Variants in B4GALNT3 observed in about 807,000 individuals in gnomAD.
B4GALNT3 encodes the protein beta-1,4-N-acetyl-galactosaminyltransferase 3.
B4GALNT3 carries 86 observed loss-of-function variants against 120.2 expected under a neutral mutation model. The ratio of observed to expected loss-of-function variants is 0.72; its 90% CI spans 0.60 to 0.86. The LOEUF is 0.86. Among genes scored for constraint, B4GALNT3 ranks in the 40% least tolerant of loss-of-function variants. The pLI, the probability that B4GALNT3 is intolerant of heterozygous loss-of-function variation, is 0.00. For synonymous variants in B4GALNT3, 518 were observed against 510.4 expected (o/e 1.01, Z -0.20); for missense variants, 1,167 against 1,298.9 (o/e 0.90, Z 1.56).
At chr12:497,941 C>T (rs1946403438) in intron 1 of B4GALNT3, among the ~76,000 whole-genome samples, 1 of 152,160 alleles carries the variant, frequency 6.6e-6, no homozygotes. Context: ...AAAGTCTCCT[C>T]CTGGGTATGA....
chr12:514,046 G>A (rs1946624934), intron 1 of B4GALNT3, among the ~76,000 whole-genome samples: 1 of 152,166 alleles, frequency 6.6e-6, no homozygotes, highest in Non-Finnish European at 1.5e-5. Flanking sequence ...TGTATACCTG[G>A]GAATAGAACT....
chr12:544,886 G>A lies in B4GALNT3; in HGVS notation c.452G>A (p.Arg151His), dbSNP rs201901859. Residue 151 changes from arginine (R) to histidine (H), a missense_variant, in exon 5 of 20, where the codon CGC becomes CAC. Physicochemically the swap from Arg to His is conservative, Grantham distance 29. Coordinates refer to ENST00000266383, the MANE Select transcript of B4GALNT3 (RefSeq NM_173593.4). ...CCTTCCCCTTTCTTGGCATAGATTC[G>A]CACAACCCTGAGGAAGCTTGCTGTG... ...NLHFPLYPHI[R>H]TTLRKLAVSP... 13 of 1,613,628 alleles carry A rather than the reference G, an allele frequency of 8.1e-6. No individual in the cohort carries two copies. Among genetic ancestry groups the A allele is most frequent in the South Asian group, 2.2e-5 (2 of 91,066 alleles).
Position 553,361 on chromosome 12 carries a change from G to C in B4GALNT3, c.1438G>C (p.Ala480Pro), listed in dbSNP as rs775824448. ...YRLRSLRKLL[A>P]QPREGLLAPF... ...CCTCCGAAGCCTGCGGAAACTCCTG[G>C]CTCAGCCCCGGGAGGGCCTGCTGGC... is the stretch of plus-strand genomic sequence containing the variant. Residue 480 changes from alanine to proline, a missense_variant, in exon 14 of 20, where the codon GCT (alanine) becomes CCT (proline). Ala to Pro is a conservative substitution (Grantham distance 27). Around this residue, in one of 3 missense-constraint regions of B4GALNT3, gnomAD observed 983 missense variants for 1,102.5 expected, o/e 0.89. Coordinates refer to ENST00000266383, the MANE Select transcript of B4GALNT3 (RefSeq NM_173593.4). 15 of 1,613,782 alleles carry C rather than the reference G, an allele frequency of 9.3e-6. No individual in the cohort carries two copies. The highest frequency in any genetic ancestry group is 1.6e-4 in the Middle Eastern group (1 of 6,062).
At chr12:501,530 A>G (rs181162517) in intron 1 of B4GALNT3, among the ~76,000 whole-genome samples, 25 of 152,208 alleles carry the variant, frequency 1.6e-4, no homozygotes, top group Admixed American at 7.2e-4. Flanking sequence ...GCAGTGAACT[A>G]TGTTTGCACC....
intron 1 of B4GALNT3, among the ~76,000 whole-genome samples, chr12:511,802 TCTTCCACCTTCTTCCAC>T (rs2120581552): frequency 3.1e-5 from 1 of 32,024 alleles, no homozygotes; most frequent in Non-Finnish European, 5.3e-5. Flanking sequence ...CCTTCCACCT[TCTTCCACCTTCTTCCAC>T]CTTCCACCTT....
chr12:512,991 TCCTTCCACCTTCCA>T (rs993481009), intron 1 of B4GALNT3, among the ~76,000 whole-genome samples: 1 of 122,932 alleles, frequency 8.1e-6, no homozygotes, highest in South Asian at 3.1e-4. Flanking sequence ...CCTTCGATCT[TCCTTCCACCTTCCA>T]CCTTCCGCCT....
At chr12:476,532 G>A (rs1010200001) in intron 1 of B4GALNT3, among the ~76,000 whole-genome samples, 20 of 152,170 alleles carry the variant, frequency 1.3e-4, no homozygotes, top group Non-Finnish European at 2.9e-5. Context: ...GATCGCTTGA[G>A]CATAGGAGTT....
At chr12:556,265 C>A (rs539972811) in intron 14 of B4GALNT3, among the ~76,000 whole-genome samples, 1 of 152,204 alleles carries the variant, frequency 6.6e-6, no homozygotes, top group South Asian at 2.1e-4. Flanking sequence ...TCTCAGGGAA[C>A]CTCTTCAGTG....
At chr12:523,426 G>A (rs1305433186) in intron 1 of B4GALNT3, among the ~76,000 whole-genome samples, 1 of 152,168 alleles carries the variant, frequency 6.6e-6, no homozygotes, top group Non-Finnish European at 1.5e-5. Context: ...TATACAGCGA[G>A]AATCTAATAA....
At chr12:505,350 C>T (rs1049211978) in intron 1 of B4GALNT3, among the ~76,000 whole-genome samples, 3 of 152,214 alleles carry the variant, frequency 2.0e-5, no homozygotes, top group African/African-American at 7.2e-5. Flanking sequence ...AGGCCAACCT[C>T]GCCCAGAGAA....
At chr12:547,967 C>T (rs181878287) in intron 7 of B4GALNT3, 57 bp from the exon 8 acceptor site, 7 of 1,482,466 alleles carry the variant, frequency 4.7e-6, no homozygotes, top group African/African-American at 1.4e-5. Flanking sequence ...GGGACAGAGC[C>T]GCGACCCCAG....
In B4GALNT3 at chr12:553,738, A is replaced by G. The variant is rs1396701642; in HGVS notation, c.1815A>G (p.Gly605=). Residue 605 remains glycine (G), a synonymous_variant, in exon 14 of 20, where the codon GGA becomes GGG. Coordinates refer to ENST00000266383, the MANE Select transcript of B4GALNT3 (RefSeq NM_173593.4). ...AAAGQEGQVE[G]EEEGEEEEEE... ...CAGGCCAGGAAGGACAAGTGGAGGG[A>G]GAGGAAGAGGGGGAAGAAGAGGAGG... 1.2e-6 allele frequency: 2 copies of G among 1,613,998 alleles called. No homozygotes were observed. The highest frequency in any genetic ancestry group is 2.2e-5 in the South Asian group (2 of 91,074).
intron 1 of B4GALNT3, among the ~76,000 whole-genome samples, chr12:486,722 C>T (rs964518272): frequency 6.6e-6 from 1 of 152,152 alleles, no homozygotes; most frequent in Non-Finnish European, 1.5e-5. Context: ...GCATCTGCTC[C>T]TGGACACCTA....
chr12:543,630 C>T (rs1329320475), intron 3 of B4GALNT3, among the ~76,000 whole-genome samples: 22 of 89,474 alleles, frequency 2.5e-4, no homozygotes, highest in South Asian at 9.4e-4. Context: ...GCATGGGGTG[C>T]TCATCTTCCC....
At chr12:471,613 A>G (rs1287520155) in intron 1 of B4GALNT3, among the ~76,000 whole-genome samples, 2 of 151,734 alleles carry the variant, frequency 1.3e-5, no homozygotes, top group African/African-American at 4.8e-5. Flanking sequence ...AGGCTGAGGC[A>G]GGAGAATTGC....
chr12:532,654 G>T (rs753940629), intron 1 of B4GALNT3, among the ~76,000 whole-genome samples: 3 of 152,144 alleles, frequency 2.0e-5, no homozygotes, highest in Non-Finnish European at 2.9e-5. Flanking sequence ...GTTAGGGGGC[G>T]GGGGGTTCTA....
intron 1 of B4GALNT3, among the ~76,000 whole-genome samples, chr12:509,500 T>A (rs1207879584): frequency 6.6e-6 from 1 of 152,208 alleles, no homozygotes. Context: ...CAACTTGCTC[T>A]CAGGGTGTCT....
chr12:480,778 T>C (rs1170765230), intron 1 of B4GALNT3, among the ~76,000 whole-genome samples: 2 of 152,134 alleles, frequency 1.3e-5, no homozygotes, highest in Non-Finnish European at 2.9e-5. Flanking sequence ...GCATGGGTCA[T>C]GGACGATGGT....
intron 19 of B4GALNT3, among the ~76,000 whole-genome samples, chr12:559,915 G>T (rs74056275): frequency 6.6e-6 from 1 of 152,022 alleles, no homozygotes; most frequent in South Asian, 2.1e-4. Context: ...AGGAGGTGCC[G>T]GGTCATGAGA....
Sources: gnomAD v4.1 joint callset for allele counts (sites outside exome capture counted in the v4.1 genomes callset) on GRCh38, gnomAD v4.1.1 for gene constraint, gnomAD v4.1.1 regional missense constraint, MANE v1.5 for transcripts, NCBI Gene and HGNC (gene_info 2026-07-23, HGNC 2026-07-21) for gene names.